PSD3: variants seen among roughly 807,000 people sequenced by gnomAD.
PSD3 encodes pleckstrin and Sec7 domain containing 3.
Under a neutral mutation model 105.5 loss-of-function variants are expected in PSD3, and 49 were observed. The observed-to-expected ratio is 0.46, with a 90% CI of 0.37 to 0.59. PSD3 has a LOEUF of 0.59. Ranked by LOEUF, PSD3 falls within the 20% of genes least tolerant of loss-of-function variation. The pLI, the probability that PSD3 is intolerant of heterozygous loss-of-function variation, is 0.00. For synonymous variants in PSD3, 557 were observed against 457.8 expected (o/e 1.22, Z -2.77); for missense variants, 1,561 against 1,263.8 (o/e 1.24, Z -3.57).
chr8:18,959,120 C>T (rs1823756099), intron 1 of PSD3, among the ~76,000 whole-genome samples: 1 of 152,120 alleles, frequency 6.6e-6, no homozygotes, highest in Admixed American at 6.5e-5. Flanking sequence ...GGCATTTCAC[C>T]ACGTTGGCCA....
intron 9 of PSD3, among the ~76,000 whole-genome samples, chr8:18,724,667 G>T (rs183585948): frequency 3.9e-5 from 6 of 152,060 alleles, no homozygotes; most frequent in Admixed American, 3.9e-4. Flanking sequence ...CTGCTGGTGG[G>T]GACCTGGCGG....
At chr8:19,015,239 C>A (rs1448196873), upstream of PSD3, among the ~76,000 whole-genome samples, 1 of 152,158 alleles carries the variant, frequency 6.6e-6, no homozygotes, top group African/African-American at 2.4e-5. Context: ...TGGCCTACTG[C>A]CATCCGCTTA....
intron 9 of PSD3, among the ~76,000 whole-genome samples, chr8:18,660,081 G>A (rs1585533824): frequency 6.6e-6 from 1 of 152,128 alleles, no homozygotes; most frequent in African/African-American, 2.4e-5. Flanking sequence ...ACTTGTGAAT[G>A]TTACCTTATA....
At chr8:18,778,932 T>C (rs1036809735) in intron 8 of PSD3, among the ~76,000 whole-genome samples, 4 of 152,068 alleles carry the variant, frequency 2.6e-5, no homozygotes, top group East Asian at 3.9e-4. Flanking sequence ...ATTGTATCCT[T>C]ATCTGGTTCT....
intron 1 of PSD3, among the ~76,000 whole-genome samples, chr8:19,009,059 T>C (rs1826834536): frequency 1.3e-5 from 2 of 152,254 alleles, no homozygotes; most frequent in South Asian, 4.1e-4. Context: ...TAATCTGCTT[T>C]ATTGTGAATT....
Position 18,871,966 on chromosome 8 carries a change from C to G in PSD3, c.898G>C (p.Glu300Gln). 1 of 1,614,154 alleles carries G rather than the reference C, an allele frequency of 6.2e-7. No homozygotes were observed. ...MGRPGRVKHV[E>Q]FQGVEILWTG... ...CACAGTATTTCCACTCCTTGAAATT[C>G]CACATGTTTGACCCGGCCTGGGCGT... is the stretch of plus-strand genomic sequence containing the variant. Residue 300 changes from glutamate (E) to glutamine (Q), a missense_variant, in exon 3 of 16, where the codon GAA becomes CAA. Coordinates refer to ENST00000327040, the MANE Select transcript of PSD3 (RefSeq NM_015310.4).
At chr8:18,805,662 AACATCAC>A (rs1811135915) in intron 4 of PSD3, among the ~76,000 whole-genome samples, 1 of 152,184 alleles carries the variant, frequency 6.6e-6, no homozygotes, top group Non-Finnish European at 1.5e-5. Flanking sequence ...ATGATTTTGT[AACATCAC>A]ACATTGGTTA....
intron 1 of PSD3, among the ~76,000 whole-genome samples, chr8:19,008,090 C>T (rs755064745): frequency 6.6e-6 from 1 of 152,156 alleles, no homozygotes; most frequent in African/African-American, 2.4e-5. Flanking sequence ...GCGATCCACC[C>T]GCCTCGGGCT....
At chr8:18,737,087 C>G (rs1420403109) in intron 9 of PSD3, among the ~76,000 whole-genome samples, 3 of 152,148 alleles carry the variant, frequency 2.0e-5, no homozygotes, top group Non-Finnish European at 4.4e-5. Flanking sequence ...TGGGGAGCAT[C>G]TGAAAAAATA....
chr8:18,715,539 A>C (rs1802529610), intron 9 of PSD3, among the ~76,000 whole-genome samples: 1 of 152,192 alleles, frequency 6.6e-6, no homozygotes, highest in Admixed American at 6.6e-5. Flanking sequence ...TTTAAAATGG[A>C]ATGTTTTTCC....
chr8:19,046,825 A>C (rs1235126023), intron 1 of PSD3, among the ~76,000 whole-genome samples: 1 of 152,228 alleles, frequency 6.6e-6, no homozygotes, highest in Non-Finnish European at 1.5e-5. Flanking sequence ...ACATCACTCA[A>C]GCCTTGGCAA....
At chr8:18,769,976 T>C (rs1315324793) in intron 8 of PSD3, among the ~76,000 whole-genome samples, 1 of 152,232 alleles carries the variant, frequency 6.6e-6, no homozygotes, top group African/African-American at 2.4e-5. Context: ...CATGTTTTCA[T>C]TCCTCCTGGG....
chr8:18,598,792 G>A (rs1804225947), intron 12 of PSD3, among the ~76,000 whole-genome samples: 1 of 151,916 alleles, frequency 6.6e-6, no homozygotes, highest in Admixed American at 6.6e-5. Context: ...ATTTACAACA[G>A]CATCAAAAAC....
At chr8:18,699,663 T>A (rs549037290) in intron 9 of PSD3, among the ~76,000 whole-genome samples, 93 of 152,294 alleles carry the variant, frequency 6.1e-4, no homozygotes, top group African/African-American at 2.1e-3. Flanking sequence ...GCGTAAAGAC[T>A]GCTGGGCAAT....
chr8:18,911,599 C>G (rs1253923067), intron 2 of PSD3, among the ~76,000 whole-genome samples: 2 of 152,170 alleles, frequency 1.3e-5, no homozygotes, highest in Non-Finnish European at 2.9e-5. Flanking sequence ...AAGTTCCTAG[C>G]AGAGTGTCTG....
intron 2 of PSD3, chr8:18,924,865 C>T: frequency 6.6e-6 from 1 of 152,096 alleles, no homozygotes; most frequent in East Asian, 1.9e-4. Flanking sequence ...GTAAGAGTTA[C>T]AACTATAAAA....
chr8:18,814,888 G>A (rs529768157), intron 4 of PSD3, among the ~76,000 whole-genome samples: 1 of 152,306 alleles, frequency 6.6e-6, no homozygotes, highest in East Asian at 1.9e-4. Flanking sequence ...CTGGACATCA[G>A]AAGCTGGGCA....
At position 19,082,390 on chromosome 8, in the gene PSD3, C is replaced by G. The variant is rs928368673; in HGVS notation, c.324+1816G>C. ...TACTGAGGGCCCCTTTCACTTTAGT[C>G]CGCAAATCTCCATTGCAATGTGAAG... On this transcript the variant is annotated intron_variant, in intron 1 of 1. Coordinates refer to the PSD3 transcript ENST00000521475. Among the ~76,000 whole-genome samples, 3 of 152,322 alleles carry G rather than the reference C, an allele frequency of 2.0e-5. No homozygotes were observed. The South Asian group carries it at 6.2e-4, about 32-fold the overall frequency.
At chr8:18,710,327 G>A (rs566475142) in intron 9 of PSD3, among the ~76,000 whole-genome samples, 72 of 152,176 alleles carry the variant, frequency 4.7e-4, no homozygotes, top group East Asian at 1.9e-4. Context: ...CAAAACCTTC[G>A]AAAACTATGA....
Sources: allele counts gnomAD v4.1 joint callset (sites outside exome capture counted in the v4.1 genomes callset), GRCh38; gene constraint gnomAD v4.1.1; transcripts MANE v1.5; gene names NCBI Gene and HGNC (gene_info 2026-07-23, HGNC 2026-07-21).